Variants in TJP1 observed in about 807,000 individuals in gnomAD.
The protein encoded by TJP1 is tight junction protein 1, also known as tight junction protein ZO-1.
Under a neutral mutation model 194.2 loss-of-function variants are expected in TJP1, and 43 were observed. That is an observed-to-expected ratio of 0.22 (90% confidence interval 0.17 to 0.29). The LOEUF is 0.29. Among genes scored for constraint, TJP1 ranks in the 10% least tolerant of loss-of-function variants. The pLI is 1.00. For synonymous variants in TJP1, 801 were observed against 779.0 expected (o/e 1.03, Z -0.47); for missense variants, 1,971 against 2,185.7 (o/e 0.90, Z 1.96).
chr15:29,898,069 C>A (rs909348273), intron 2 of TJP1, among the ~76,000 whole-genome samples: 1 of 152,044 alleles, frequency 6.6e-6, no homozygotes, highest in Non-Finnish European at 1.5e-5. Flanking sequence ...GGGCCAGGAG[C>A]GGAATGATAT....
chr15:29,881,161 T>C (rs147816956), intron 2 of TJP1, among the ~76,000 whole-genome samples: 7 of 152,326 alleles, frequency 4.6e-5, no homozygotes, highest in South Asian at 2.1e-4. Context: ...TGATATTTCA[T>C]TGTAGTTTAG....
intron 2 of TJP1, among the ~76,000 whole-genome samples, chr15:29,777,208 T>C (rs961334026): frequency 7.9e-5 from 12 of 152,186 alleles, no homozygotes; most frequent in African/African-American, 2.7e-4. Flanking sequence ...TAAATAAAAC[T>C]GAAATTGTTC....
intron 2 of TJP1, among the ~76,000 whole-genome samples, chr15:29,915,595 C>A (rs898265204): frequency 9.8e-5 from 15 of 152,314 alleles, no homozygotes; most frequent in Non-Finnish European, 2.1e-4. Flanking sequence ...TAAACCTTAA[C>A]CATTGCCAAA....
chr15:29,713,212 A>G (rs2042348675), intron 23 of TJP1, among the ~76,000 whole-genome samples: 1 of 152,242 alleles, frequency 6.6e-6, no homozygotes, highest in Admixed American at 6.5e-5. Context: ...ATTTGATAAC[A>G]AAAAATCCCT....
chr15:29,808,328 G>A lies in TJP1; in HGVS notation c.28-7626C>T, dbSNP rs45605535. Among the ~76,000 whole-genome samples, 1,347 of 152,274 alleles carry A rather than the reference G, an allele frequency of 8.8e-3. 8 individuals are homozygous for A. Among genetic ancestry groups the A allele is most frequent in the Non-Finnish European group, 0.014 (962 of 68,010 alleles). On this transcript the variant is annotated intron_variant, in intron 1 of 27. Transcript: ENST00000614355. ...CTACACTGTTAGAAGTTGGGACAGG[G>A]TTACCTTTGTGTATGAAGTAACTCG...
In TJP1 at chr15:29,708,674, T is replaced by A; in HGVS notation, c.4735A>T (p.Ser1579Cys). ...TCAAACTCAGGAGGCTGTGCCAAAC[T>A]GTGCGATTTCACAAGAGTTTTTGGA... is the stretch of plus-strand genomic sequence containing the variant. ...TSPKTLVKSH[S>C]LAQPPEFDSG... Residue 1579 changes from serine to cysteine, a missense_variant, in exon 25 of 28, where the codon AGT (serine) becomes TGT (cysteine). Ser to Cys is a moderately radical substitution (Grantham distance 112). Transcript: ENST00000614355. 1 of 1,614,232 alleles carries A rather than the reference T, an allele frequency of 6.2e-7. No individual in the cohort carries two copies. The highest frequency in any genetic ancestry group is 8.5e-7 in the Non-Finnish European group (1 of 1,180,048).
At chr15:29,818,573 T>C (rs8032316) in intron 1 of TJP1, among the ~76,000 whole-genome samples, 143,259 of 152,194 alleles carry the variant, frequency 0.94, 67,642 homozygotes, top group East Asian at 1. Context: ...GGTGCGATCT[T>C]GGCTCAATGC....
At chr15:29,786,840 A>C (rs571529146) in intron 2 of TJP1, among the ~76,000 whole-genome samples, 2 of 152,332 alleles carry the variant, frequency 1.3e-5, no homozygotes, top group African/African-American at 4.8e-5. Context: ...ATATAAATGG[A>C]AAGAGCACTG....
intron 2 of TJP1, among the ~76,000 whole-genome samples, chr15:29,797,445 T>A (rs1408918591): frequency 6.6e-6 from 1 of 152,116 alleles, no homozygotes; most frequent in East Asian, 1.9e-4. Flanking sequence ...CCACTACACC[T>A]GGCCAGAGCT....
chr15:29,927,175 C>T (rs972932177), intron 2 of TJP1, among the ~76,000 whole-genome samples: 3 of 152,114 alleles, frequency 2.0e-5, no homozygotes, highest in Non-Finnish European at 4.4e-5. Context: ...CAAAAATTAG[C>T]TAGGCGTGGT....
At chr15:29,760,575 C>T (rs972443827) in intron 8 of TJP1, among the ~76,000 whole-genome samples, 3 of 152,118 alleles carry the variant, frequency 2.0e-5, no homozygotes, top group Non-Finnish European at 4.4e-5. Context: ...CAGAGTTTCA[C>T]CATGTCGGCC....
chr15:29,944,390 C>T (rs886935163), intron 2 of TJP1, among the ~76,000 whole-genome samples: 4 of 152,202 alleles, frequency 2.6e-5, no homozygotes, highest in African/African-American at 7.2e-5. Context: ...CCACCGCGCC[C>T]GGCCTTGACT....
intron 2 of TJP1, among the ~76,000 whole-genome samples, chr15:29,859,038 T>C (rs564079708): frequency 3.3e-4 from 50 of 152,280 alleles, no homozygotes; most frequent in East Asian, 5.8e-4. Flanking sequence ...CAGATGGATG[T>C]CCAATAACTG....
intron 24 of TJP1, among the ~76,000 whole-genome samples, chr15:29,710,490 C>T (rs1340270003): frequency 1.3e-5 from 2 of 152,142 alleles, no homozygotes; most frequent in African/African-American, 4.8e-5. Context: ...GTATGGGATA[C>T]ATTTTATATG....
intron 2 of TJP1, among the ~76,000 whole-genome samples, chr15:29,838,964 A>G (rs2051128024): frequency 6.7e-6 from 1 of 150,112 alleles, no homozygotes; most frequent in Non-Finnish European, 1.5e-5. Context: ...CCTTTTTATC[A>G]GAATAGTAAT....
intron 2 of TJP1, among the ~76,000 whole-genome samples, chr15:29,840,083 T>C (rs2051168896): frequency 6.6e-6 from 1 of 152,258 alleles, no homozygotes; most frequent in Non-Finnish European, 1.5e-5. Context: ...GTCCAGTTTC[T>C]AATCAGATTT....
At chr15:29,887,133 T>C (rs1382288734) in intron 2 of TJP1, among the ~76,000 whole-genome samples, 2 of 151,870 alleles carry the variant, frequency 1.3e-5, no homozygotes, top group Non-Finnish European at 2.9e-5. Flanking sequence ...TGGCACCCAC[T>C]AGGTAACAAT....
At chr15:29,766,239 A>C (rs758371813) in intron 5 of TJP1, 27 bp downstream of exon 5, 6 of 1,589,012 alleles carry the variant, frequency 3.8e-6, no homozygotes, top group Non-Finnish European at 4.3e-6. Flanking sequence ...TCATGTGAAA[A>C]AAACAGCAAG....
intron 2 of TJP1, among the ~76,000 whole-genome samples, chr15:29,778,613 T>C (rs2047163266): frequency 6.6e-6 from 1 of 152,148 alleles, no homozygotes; most frequent in Non-Finnish European, 1.5e-5. Flanking sequence ...TAGCATGCAG[T>C]GCCTTTGAAT....
Sources: allele counts gnomAD v4.1 joint callset (sites outside exome capture counted in the v4.1 genomes callset), GRCh38; gene constraint gnomAD v4.1.1; transcripts MANE v1.5; gene names NCBI Gene and HGNC (gene_info 2026-07-23, HGNC 2026-07-21).